Variants in MATN2 observed in about 807,000 individuals in gnomAD.
The protein encoded by MATN2 is matrilin-2.
A neutral mutation model predicts 103.2 loss-of-function variants in MATN2; 69 were observed. The ratio of observed to expected loss-of-function variants is 0.67; its 90% CI spans 0.55 to 0.82. MATN2 has a LOEUF of 0.82. MATN2 is among the 40% of genes least tolerant of loss of function. MATN2 has a pLI of 0.00. For missense variants in MATN2, 1,023 were observed against 1,211.5 expected (o/e 0.84, Z 2.31); for synonymous variants, 429 against 450.2 (o/e 0.95, Z 0.60).
At chr8:97,940,926 A>G (rs573923813) in intron 3 of MATN2, among the ~76,000 whole-genome samples, 1 of 152,262 alleles carries the variant, frequency 6.6e-6, no homozygotes, top group East Asian at 1.9e-4. Flanking sequence ...TGGGAGGCCA[A>G]ACTGGGAGGA....
Position 97,978,945 on chromosome 8 carries a change from G to T in MATN2, c.1018G>T (p.Gly340Cys). 6.2e-7 allele frequency: 1 copy of T among 1,613,658 alleles called. No homozygotes were observed. Among genetic ancestry groups the T allele is most frequent in the Non-Finnish European group, 8.5e-7 (1 of 1,179,668 alleles). Residue 340 changes from glycine (G) to cysteine (C), a missense_variant, in exon 6 of 19, where the codon GGC (glycine) becomes TGC (cysteine). Physicochemically the swap from Gly to Cys is radical, Grantham distance 159. Coordinates refer to ENST00000254898, the MANE Select transcript of MATN2 (RefSeq NM_002380.5). ...TGAACATGAGTGTGTAAATGCTGAT[G>T]GCTCCTACCTTTGCCAGTGCCATGA... is the stretch of plus-strand genomic sequence containing the variant. ...GCEHECVNAD[G>C]SYLCQCHEGF...
intron 2 of MATN2, among the ~76,000 whole-genome samples, chr8:97,909,550 G>A (rs1382548229): frequency 6.6e-6 from 1 of 152,190 alleles, no homozygotes; most frequent in East Asian, 1.9e-4. Context: ...TGAAGGCAGT[G>A]ACAGGATGAG....
At chr8:97,976,593 CTTG>C (rs1171906365) in intron 5 of MATN2, among the ~76,000 whole-genome samples, 1 of 151,936 alleles carries the variant, frequency 6.6e-6, no homozygotes, top group Non-Finnish European at 1.5e-5. Context: ...ATTCTATTTC[CTTG>C]TTATTATTTA....
intron 4 of MATN2, among the ~76,000 whole-genome samples, chr8:97,952,812 T>G (rs1481929522): frequency 6.6e-5 from 10 of 152,102 alleles, no homozygotes; most frequent in Admixed American, 6.6e-4. Context: ...AATTCCAAAT[T>G]ACCTACTTTG....
At chr8:97,902,021 T>C (rs1382849458) in intron 2 of MATN2, among the ~76,000 whole-genome samples, 1 of 152,078 alleles carries the variant, frequency 6.6e-6, no homozygotes, top group Non-Finnish European at 1.5e-5. Flanking sequence ...ATAGGGAACA[T>C]GTATTTTATA....
chr8:97,882,014 C>T (rs773192471), intron 1 of MATN2, among the ~76,000 whole-genome samples: 7 of 150,492 alleles, frequency 4.7e-5, no homozygotes, highest in Non-Finnish European at 8.9e-5. Flanking sequence ...CTCTGCCTCC[C>T]GGGTTCAAGC....
intron 1 of MATN2, among the ~76,000 whole-genome samples, chr8:97,870,441 C>G (rs887701605): frequency 5.9e-5 from 9 of 152,010 alleles, no homozygotes; most frequent in African/African-American, 2.2e-4. Context: ...TCGGTTGAAC[C>G]CAGGAGGCAG....
intron 4 of MATN2, among the ~76,000 whole-genome samples, chr8:97,953,162 C>T (rs1811018638): frequency 7.9e-6 from 1 of 125,932 alleles, no homozygotes; most frequent in South Asian, 2.9e-4. Context: ...GCGTTGGCCT[C>T]CCAAAGTGCT....
At chr8:98,016,239 G>A (rs1040714372) in intron 10 of MATN2, among the ~76,000 whole-genome samples, 5 of 152,120 alleles carry the variant, frequency 3.3e-5, no homozygotes, top group Non-Finnish European at 7.3e-5. Flanking sequence ...CTGGTGTGGT[G>A]GTGCACGCTT....
At chr8:97,985,190 G>C (rs1812152884) in intron 6 of MATN2, among the ~76,000 whole-genome samples, 1 of 152,118 alleles carries the variant, frequency 6.6e-6, no homozygotes, top group African/African-American at 2.4e-5. Context: ...ATGTGGAGCC[G>C]ACCTGTGCAG....
chr8:97,933,566 A>G (rs140940103), intron 3 of MATN2, among the ~76,000 whole-genome samples: 7 of 131,074 alleles, frequency 5.3e-5, no homozygotes, highest in African/African-American at 8.5e-5. Flanking sequence ...GGATATACCA[A>G]TGTGGACTTG....
intron 1 of MATN2, among the ~76,000 whole-genome samples, chr8:97,875,690 G>GTTTTTTTTTTT (rs763539274): frequency 1.5e-4 from 12 of 82,032 alleles, no homozygotes; most frequent in Non-Finnish European, 2.0e-4. Flanking sequence ...GTATTTGCCT[G>GTTTTTTTTTTT]TTTTTTTTTT....
chr8:97,907,327 T>C (rs950248199), intron 2 of MATN2, among the ~76,000 whole-genome samples: 1 of 150,102 alleles, frequency 6.7e-6, no homozygotes, highest in African/African-American at 2.5e-5. Context: ...TTTTTTTTTT[T>C]TTGAGATGGA....
chr8:97,889,459 C>CTATATATATATA (rs56115197), intron 2 of MATN2, among the ~76,000 whole-genome samples: 2,374 of 122,906 alleles, frequency 0.019, 80 homozygotes, highest in Middle Eastern at 0.032. Flanking sequence ...CTCTCTCTGT[C>CTATATATATATA]TATATATATA....
chr8:98,035,493 T>C (rs779036438), intron 18 of MATN2, among the ~76,000 whole-genome samples, 164 bp from the exon 19 acceptor site: 1 of 150,984 alleles, frequency 6.6e-6, no homozygotes, highest in African/African-American at 2.4e-5. Context: ...TTAAATGAGT[T>C]CTACAAATTT....
intron 6 of MATN2, among the ~76,000 whole-genome samples, chr8:97,992,322 A>T (rs964233501): frequency 2.0e-5 from 3 of 152,200 alleles, no homozygotes; most frequent in African/African-American, 7.2e-5. Context: ...AACTTTTTGT[A>T]AGCTTGAAAT....
At chr8:97,900,717 C>T (rs560552754) in intron 2 of MATN2, among the ~76,000 whole-genome samples, 1 of 152,260 alleles carries the variant, frequency 6.6e-6, no homozygotes, top group South Asian at 2.1e-4. Context: ...GGGCGGATCA[C>T]GAGGTCAGGA....
chr8:98,027,035 A>G (rs34276726), intron 13 of MATN2, among the ~76,000 whole-genome samples: 16,989 of 152,166 alleles, frequency 0.11, 1,233 homozygotes, highest in Middle Eastern at 0.17. Flanking sequence ...TGCCAGCACT[A>G]GGGTGATGTC....
intron 10 of MATN2, among the ~76,000 whole-genome samples, chr8:98,014,508 G>A (rs745821297): frequency 6.6e-6 from 1 of 152,242 alleles, no homozygotes; most frequent in Non-Finnish European, 1.5e-5. Context: ...CTCTGCAGCT[G>A]TAATTGCAGT....
Sources: allele counts gnomAD v4.1 joint callset (sites outside exome capture counted in the v4.1 genomes callset), GRCh38; gene constraint gnomAD v4.1.1; transcripts MANE v1.5; gene names NCBI Gene and HGNC (gene_info 2026-07-23, HGNC 2026-07-21).